EPHA6: variants seen among roughly 807,000 people sequenced by gnomAD.
The protein encoded by EPHA6 is ephrin type-A receptor 6.
A neutral mutation model predicts 112.0 loss-of-function variants in EPHA6; 50 were observed. That is an observed-to-expected ratio of 0.45 (90% CI 0.36 to 0.56). EPHA6 has a LOEUF of 0.56. EPHA6 is among the 20% of genes least tolerant of loss of function. The pLI, the probability that EPHA6 is intolerant of heterozygous loss-of-function variation, is 0.00. For synonymous variants in EPHA6, 529 were observed against 490.7 expected, an observed-to-expected ratio of 1.08 and a Z score of -1.03; for missense variants, 1,280 against 1,417.4, an observed-to-expected ratio of 0.90 and a Z score of 1.56.
chr3:97,332,239 G>T (rs1300065458), intron 5 of EPHA6, among the ~76,000 whole-genome samples: 1 of 151,872 alleles, frequency 6.6e-6, no homozygotes, highest in African/African-American at 2.4e-5. Flanking sequence ...AATAAATTAG[G>T]TATTGATGGG....
chr3:96,975,979 G>A (rs2042507255), intron 2 of EPHA6, among the ~76,000 whole-genome samples: 1 of 152,076 alleles, frequency 6.6e-6, no homozygotes, highest in Admixed American at 6.6e-5. Flanking sequence ...GAGTTGTAAT[G>A]TTTTGTATTC....
At chr3:97,027,475 A>G (rs553003832) in intron 3 of EPHA6, among the ~76,000 whole-genome samples, 3 of 152,188 alleles carry the variant, frequency 2.0e-5, no homozygotes, top group South Asian at 4.1e-4. Flanking sequence ...AAGATAAGCC[A>G]CCTCCAAGGA....
intron 2 of EPHA6, among the ~76,000 whole-genome samples, chr3:96,877,518 G>A (rs2037038473): frequency 6.6e-6 from 1 of 152,102 alleles, no homozygotes; most frequent in South Asian, 2.1e-4. Flanking sequence ...TATTAATCCT[G>A]CACCTTGTAA....
rs1314179120 is a variant in EPHA6, at chr3:97,727,310, T to C, written c.2934+6900T>C. On this transcript the variant is annotated intron_variant, in intron 15 of 17. Transcript: ENST00000389672. Reference sequence around the variant, plus strand: ...TATGGAGTTTATCATTAGAATTTTATTTTTATAGGTGATGTGGTCAGAAAT... The same window carrying C: ...TATGGAGTTTATCATTAGAATTTTACTTTTATAGGTGATGTGGTCAGAAAT... Among the ~76,000 whole-genome samples the C allele has an allele frequency of 2.6e-5, 4 of 152,118 alleles. No individual in the cohort carries two copies. In the East Asian group the frequency reaches 7.7e-4, roughly 29 times the overall value.
chr3:97,711,822 GCTAT>G (rs1225181023), intron 14 of EPHA6, among the ~76,000 whole-genome samples: 13 of 152,260 alleles, frequency 8.5e-5, no homozygotes, highest in Middle Eastern at 3.4e-3. Context: ...TGTTTTACCA[GCTAT>G]CTGGTCATCC....
At chr3:97,386,886 C>T (rs2086100467) in intron 5 of EPHA6, among the ~76,000 whole-genome samples, 1 of 152,244 alleles carries the variant, frequency 6.6e-6, no homozygotes, top group Non-Finnish European at 1.5e-5. Context: ...AGTCTCAACT[C>T]TTGCCCTCTG....
At chr3:97,616,039 CA>C (rs1042235476) in intron 13 of EPHA6, among the ~76,000 whole-genome samples, 11 of 152,080 alleles carry the variant, frequency 7.2e-5, no homozygotes, top group Non-Finnish European at 1.6e-4. Flanking sequence ...ATCTCCCAAG[CA>C]GGGTCTCCAG....
In EPHA6 at chr3:97,244,023, C is replaced by T; in HGVS notation, c.1342C>T (p.Pro448Ser). The T allele has an allele frequency of 1.9e-6, 3 of 1,612,456 alleles. No homozygotes were observed. Among genetic ancestry groups the T allele is most frequent in the Non-Finnish European group, 2.5e-6 (3 of 1,179,104 alleles). ...AGCCCTTATTTTGGAATGGAGCCCA[C>T]CAAGTGACACAGGAGGGAGAAAAGA... ...ETALILEWSP[P>S]SDTGGRKDLT... is the part of the protein sequence containing the mutation. Residue 448 changes from proline to serine, a missense_variant, in exon 5 of 18, where the codon CCA becomes TCA. By Grantham distance (74) the Pro-to-Ser change is moderately conservative (BLOSUM62 -1). Transcript: ENST00000389672.
intron 5 of EPHA6, among the ~76,000 whole-genome samples, chr3:97,397,741 A>G (rs1195577742): frequency 6.6e-6 from 1 of 151,634 alleles, no homozygotes; most frequent in East Asian, 1.9e-4. Context: ...GGAAATTTCA[A>G]CATTAGAGGA....
chr3:97,377,037 C>T (rs2085406012), intron 5 of EPHA6, among the ~76,000 whole-genome samples: 1 of 152,150 alleles, frequency 6.6e-6, no homozygotes, highest in Non-Finnish European at 1.5e-5. Flanking sequence ...TTCTCCTGCA[C>T]TGTGTAATGC....
chr3:96,846,629 G>A (rs1328092064), intron 1 of EPHA6, among the ~76,000 whole-genome samples: 1 of 151,952 alleles, frequency 6.6e-6, no homozygotes, highest in African/African-American at 2.4e-5. Context: ...TTTTTTAATA[G>A]CTTGAGAAAT....
chr3:97,349,957 C>CA (rs2083723158), intron 5 of EPHA6, among the ~76,000 whole-genome samples: 2 of 146,180 alleles, frequency 1.4e-5, no homozygotes, highest in South Asian at 4.3e-4. Context: ...TCATGCTAAT[C>CA]TTTTTTTTTT....
intron 3 of EPHA6, among the ~76,000 whole-genome samples, chr3:97,186,372 A>G (rs960025631): frequency 4.6e-5 from 7 of 152,032 alleles, no homozygotes; most frequent in Non-Finnish European, 8.8e-5. Flanking sequence ...AACTCTCAAA[A>G]ACATAGTAGT....
chr3:97,668,689 A>C (rs2030422629), intron 14 of EPHA6, among the ~76,000 whole-genome samples: 1 of 151,902 alleles, frequency 6.6e-6, no homozygotes, highest in African/African-American at 2.4e-5. Context: ...CGAGGTGGGC[A>C]GATCACTTGA....
At chr3:97,326,694 A>G (rs997434772) in intron 5 of EPHA6, among the ~76,000 whole-genome samples, 2 of 152,088 alleles carry the variant, frequency 1.3e-5, no homozygotes, top group African/African-American at 4.8e-5. Flanking sequence ...TAGAAATTGG[A>G]TGCACACATC....
At chr3:97,704,404 T>C (rs1208841615) in intron 14 of EPHA6, among the ~76,000 whole-genome samples, 3 of 152,150 alleles carry the variant, frequency 2.0e-5, no homozygotes, top group Non-Finnish European at 4.4e-5. Flanking sequence ...ACCTGGGATA[T>C]CCATCTTTTC....
chr3:97,216,343 T>C (rs1420454495), intron 3 of EPHA6, among the ~76,000 whole-genome samples: 2 of 152,128 alleles, frequency 1.3e-5, no homozygotes, highest in Admixed American at 1.3e-4. Flanking sequence ...GGGATGCTTC[T>C]AAACCATTCA....
rs569134038 is a variant in EPHA6 at position 97,629,872 on chromosome 3, A to G, written c.2575-8001A>G. Among the ~76,000 whole-genome samples the G allele has an allele frequency of 3.9e-5, 6 of 152,104 alleles. No individual in the cohort carries two copies. In the East Asian group the frequency reaches 7.8e-4, roughly 20 times the overall value. ...AATGATGCTTCATCAAGATGATGGC[A>G]CTTTGTGACACCCTACCCCAAATAA... On this transcript the variant is annotated intron_variant, in intron 13 of 17. Transcript: ENST00000389672.
intron 14 of EPHA6, among the ~76,000 whole-genome samples, chr3:97,675,062 C>T (rs2031232991): frequency 6.6e-6 from 1 of 152,182 alleles, no homozygotes; most frequent in Admixed American, 6.6e-5. Context: ...TAAGAAACAA[C>T]AGCACATTAT....
Sources: gnomAD v4.1 joint callset for allele counts (sites outside exome capture counted in the v4.1 genomes callset) on GRCh38, gnomAD v4.1.1 for gene constraint, MANE v1.5 for transcripts, NCBI Gene and HGNC (gene_info 2026-07-23, HGNC 2026-07-21) for gene names.